Variants in KCNB2 observed in about 807,000 individuals in gnomAD.
The protein encoded by KCNB2 is delayed rectifier potassium channel protein.
KCNB2 carries 15 observed loss-of-function variants against 61.5 expected under a neutral mutation model. The ratio of observed to expected loss-of-function variants is 0.24; its 90% CI spans 0.16 to 0.38. KCNB2 has a LOEUF of 0.38. KCNB2 is among the 10% of genes least tolerant of loss of function. The probability of loss-of-function intolerance (pLI) is 1.00; values close to 1 mark genes in which losing one functional copy is unlikely to be tolerated. For missense variants in KCNB2, 828 were observed against 1,125.2 expected, an observed-to-expected ratio of 0.74 and a Z score of 3.78; for synonymous variants, 457 against 446.0, an observed-to-expected ratio of 1.02 and a Z score of -0.31.
At chr8:72,583,494 A>G (rs1192971617) in intron 2 of KCNB2, among the ~76,000 whole-genome samples, 1 of 152,028 alleles carries the variant, frequency 6.6e-6, no homozygotes, top group African/African-American at 2.4e-5. Flanking sequence ...AACCTGTCAC[A>G]TTATTTTCAG....
At chr8:72,863,081 G>A (rs370132064) in intron 2 of KCNB2, among the ~76,000 whole-genome samples, 10 of 152,188 alleles carry the variant, frequency 6.6e-5, no homozygotes, top group African/African-American at 2.2e-4. Context: ...AAGAAGTACA[G>A]TTTCATTCTC....
chr8:72,774,019 A>T (rs888735539), intron 2 of KCNB2, among the ~76,000 whole-genome samples: 1 of 152,210 alleles, frequency 6.6e-6, no homozygotes, highest in Admixed American at 6.5e-5. Context: ...TTAAAATATC[A>T]AGGGCTTATT....
chr8:72,603,912 C>T (rs1805404853), intron 2 of KCNB2, among the ~76,000 whole-genome samples: 1 of 152,100 alleles, frequency 6.6e-6, no homozygotes, highest in African/African-American at 2.4e-5. Flanking sequence ...CGAGGAATGC[C>T]AAGTATTGTG....
intron 2 of KCNB2, among the ~76,000 whole-genome samples, chr8:72,703,896 C>T (rs892856040): frequency 3.3e-5 from 5 of 152,182 alleles, no homozygotes; most frequent in East Asian, 3.9e-4. Flanking sequence ...AATCCTTCCA[C>T]GCATCATTCT....
At chr8:72,685,297 T>G (rs1265233730) in intron 2 of KCNB2, among the ~76,000 whole-genome samples, 1 of 151,906 alleles carries the variant, frequency 6.6e-6, no homozygotes, top group Non-Finnish European at 1.5e-5. Flanking sequence ...AATTTCAGGG[T>G]TTTTTTTCTT....
intron 2 of KCNB2, among the ~76,000 whole-genome samples, chr8:72,818,308 A>G (rs754749465): frequency 4.6e-5 from 7 of 152,194 alleles, no homozygotes; most frequent in Non-Finnish European, 7.4e-5. Context: ...ATTCAAATCT[A>G]TTACTCCTAT....
chr8:72,706,990 T>C (rs1186050160), intron 2 of KCNB2, among the ~76,000 whole-genome samples: 4 of 152,220 alleles, frequency 2.6e-5, no homozygotes, highest in Admixed American at 6.5e-5. Flanking sequence ...ACTTCTTTGT[T>C]AAATACCAAC....
chr8:72,695,234 C>T (rs1245604427), intron 2 of KCNB2, among the ~76,000 whole-genome samples: 1 of 152,166 alleles, frequency 6.6e-6, no homozygotes, highest in Non-Finnish European at 1.5e-5. Context: ...CATCTCCCCA[C>T]TATTTCCTCC....
chr8:72,809,190 C>T (rs1364593444), intron 2 of KCNB2, among the ~76,000 whole-genome samples: 9 of 151,992 alleles, frequency 5.9e-5, no homozygotes, highest in African/African-American at 2.2e-4. Flanking sequence ...CTGTGTTTTC[C>T]TTTAAATGCC....
intron 2 of KCNB2, among the ~76,000 whole-genome samples, chr8:72,714,515 TA>T (rs1186461247): frequency 6.6e-6 from 1 of 151,682 alleles, no homozygotes; most frequent in Non-Finnish European, 1.5e-5. Context: ...TCAACATTCT[TA>T]AAGAAAAGAA....
At chr8:72,763,044 T>TAAAA (rs36134958) in intron 2 of KCNB2, among the ~76,000 whole-genome samples, 17 of 137,564 alleles carry the variant, frequency 1.2e-4, no homozygotes, top group African/African-American at 4.4e-4. Context: ...CTTTGCAAAG[T>TAAAA]AAAAAAAAAA....
intron 2 of KCNB2, among the ~76,000 whole-genome samples, chr8:72,714,288 C>T (rs898437568): frequency 2.0e-5 from 3 of 152,124 alleles, no homozygotes; most frequent in African/African-American, 7.2e-5. Context: ...GGCCAACATT[C>T]AAATTCAGGA....
intron 2 of KCNB2, among the ~76,000 whole-genome samples, chr8:72,725,589 A>ATATATG (rs1807631123): frequency 1.9e-4 from 12 of 64,306 alleles, no homozygotes; most frequent in Admixed American, 6.5e-4. Context: ...ATATATATGT[A>ATATATG]TGTATATATA....
At chr8:72,844,297 T>C (rs951844291) in intron 2 of KCNB2, among the ~76,000 whole-genome samples, 1 of 152,236 alleles carries the variant, frequency 6.6e-6, no homozygotes, top group Non-Finnish European at 1.5e-5. Flanking sequence ...GGGTTTCTGC[T>C]GAGAGATCCG....
At chr8:72,911,807 A>G (rs1290381450) in intron 2 of KCNB2, among the ~76,000 whole-genome samples, 2 of 152,144 alleles carry the variant, frequency 1.3e-5, no homozygotes, top group Non-Finnish European at 2.9e-5. Flanking sequence ...AATTTACTTA[A>G]TCTCTTTGTG....
At chr8:72,827,041 T>C (rs1387959709) in intron 2 of KCNB2, among the ~76,000 whole-genome samples, 1 of 152,224 alleles carries the variant, frequency 6.6e-6, no homozygotes, top group East Asian at 1.9e-4. Flanking sequence ...GGCCAGTGTA[T>C]TGAAGAGGGT....
At chr8:72,561,723 A>C (rs1052484365) in intron 1 of KCNB2, among the ~76,000 whole-genome samples, 992 of 31,772 alleles carry the variant, frequency 0.031, 148 homozygotes, top group East Asian at 0.051. Context: ...ATATATATAT[A>C]TATATCTATA....
At chr8:72,824,665 C>T (rs1244862551) in intron 2 of KCNB2, among the ~76,000 whole-genome samples, 2 of 152,152 alleles carry the variant, frequency 1.3e-5, no homozygotes, top group Non-Finnish European at 2.9e-5. Flanking sequence ...AATGAGTCCG[C>T]CCTTCTCTAT....
chr8:72,735,145 A>G (rs1807819874), intron 2 of KCNB2, among the ~76,000 whole-genome samples: 1 of 152,100 alleles, frequency 6.6e-6, no homozygotes, highest in South Asian at 2.1e-4. Flanking sequence ...AGCTATTTAA[A>G]TCACAGACTC....
Sources: allele counts gnomAD v4.1 joint callset (sites outside exome capture counted in the v4.1 genomes callset), GRCh38; gene constraint gnomAD v4.1.1; transcripts MANE v1.5; gene names NCBI Gene and HGNC (gene_info 2026-07-23, HGNC 2026-07-21).